The following EIF2B4 variants were observed in gnomAD, a reference collection of about 807,000 sequenced individuals.
EIF2B4 encodes the protein translation initiation factor eIF2B subunit delta.
EIF2B4 carries 34 observed loss-of-function variants against 66.7 expected under a neutral mutation model. The ratio of observed to expected loss-of-function variants is 0.51; its 90% CI spans 0.39 to 0.68. The LOEUF is 0.68. Ranked by LOEUF, EIF2B4 falls within the 30% of genes least tolerant of loss-of-function variation. EIF2B4 has a pLI of 0.00. For synonymous variants in EIF2B4, 278 were observed against 253.6 expected, an observed-to-expected ratio of 1.10 and a Z score of -0.92; for missense variants, 618 against 657.9, an observed-to-expected ratio of 0.94 and a Z score of 0.66.
Position 27,367,538 on chromosome 2 carries a change from G to T in EIF2B4, c.804C>A (p.Pro268=), listed in dbSNP as rs761353843. 6.2e-7 allele frequency: 1 copy of T among 1,614,022 alleles called. No homozygotes were observed. The change falls in exon 9 of 13, where the codon CCC becomes CCA. Residue 268 remains proline, a synonymous_variant. Coordinates refer to ENST00000347454, the MANE Select transcript of EIF2B4 (RefSeq NM_001034116.2). ...TGGCGTTGTGCATGCTCGCTGACAG[G>T]GGACGGCACTGAGTCAGGAAGCTAT... ...PYMSFLTQCR[P]LSASMHNAIK...
In EIF2B4 at chr2:27,364,873, T is replaced by C; in HGVS notation, c.1217A>G (p.His406Arg). The C allele has an allele frequency of 3.7e-6, 6 of 1,614,138 alleles. No homozygotes were observed. The highest frequency in any genetic ancestry group is 5.1e-6 in the Non-Finnish European group (6 of 1,180,024). ...PEVSKVLLGA[H>R]ALLANGSVMS... ...CACAGACCCGTTGGCCAAGAGTGCA[T>C]GAGCTCCCAATAGCACCTTGGAAAC... The change falls in exon 12 of 13, where the codon CAT becomes CGT. Residue 406 changes from histidine (H) to arginine (R), a missense_variant. Physicochemically the swap from His to Arg is conservative, Grantham distance 29. Transcript: ENST00000347454.
chr2:27,366,241 TGTGTGTGTGTG>T (rs1681859946), intron 11 of EIF2B4: 1 of 199,470 alleles, frequency 5.0e-6, no homozygotes, highest in African/African-American at 2.4e-5. Flanking sequence ...TGTGTGTGTG[TGTGTGTGTGTG>T]TGTGTGTGTA....
In EIF2B4 at chr2:27,364,991, G is replaced by A. The variant is rs1681741664; in HGVS notation, c.1192-93C>T. On this transcript the variant is annotated intron_variant, in intron 11 of 12. Transcript: ENST00000347454. ...TTACAGGACAGCAACATTAAGACAAGTAATAAATCTCAACACCTGTGAAAA... is the reference window on the plus strand; with the variant it reads ...TTACAGGACAGCAACATTAAGACAAATAATAAATCTCAACACCTGTGAAAA... 4.8e-6 allele frequency: 6 copies of A among 1,255,292 alleles called. No individual in the cohort carries two copies. The East Asian group carries it at 9.8e-5, about 21-fold the overall frequency. 77.8% of individuals were successfully genotyped at this position (1,255,292 alleles called of 1,614,324 possible). A position where few individuals can be genotyped will look rare whatever the true frequency, so the allele number is the denominator to read the frequency against.
Position 27,370,290 on chromosome 2 carries a change from G to A in EIF2B4, c.25C>T (p.Arg9Cys), listed in dbSNP as rs368043444. 6 of 1,547,366 alleles carry A rather than the reference G, an allele frequency of 3.9e-6. No homozygotes were observed. Among genetic ancestry groups the A allele is most frequent in the East Asian group, 2.4e-5 (1 of 41,492 alleles). MAAVAVAV[R>C]EDSGSGMKAE... ...GGCCCGGCTCTTCACTCACCCTCGC[G>A]AACAGCCACGGCCACAGCAGCCATC... The change falls in exon 1 of 13, where the codon CGC becomes TGC. Residue 9 changes from arginine to cysteine, a missense_variant. Physicochemically the swap from Arg to Cys is radical, Grantham distance 180. Coordinates refer to ENST00000347454, the MANE Select transcript of EIF2B4 (RefSeq NM_001034116.2).
At chr2:27,370,017 C>G (rs767463519) in intron 1 of EIF2B4, 98 bp from the exon 2 acceptor site, 4 of 1,522,162 alleles carry the variant, frequency 2.6e-6, no homozygotes, top group Non-Finnish European at 3.5e-6. Flanking sequence ...TTGGCATGAC[C>G]ACGGATCCGC....
Position 27,368,363 on chromosome 2 carries a change from G to C in EIF2B4, c.590+9C>G. 4 of 1,607,332 alleles carry C rather than the reference G, an allele frequency of 2.5e-6. No individual in the cohort carries two copies. Among genetic ancestry groups the C allele is most frequent in the Non-Finnish European group, 3.4e-6 (4 of 1,173,926 alleles). Reference sequence around the variant, plus strand: ...ACTCAAAAGTTATGACAATTTCATAGGATCCTACCTCATAAACTGGGTCAG... The same window carrying C: ...ACTCAAAAGTTATGACAATTTCATACGATCCTACCTCATAAACTGGGTCAG... On this transcript the variant is annotated intron_variant, in intron 6 of 12. Coordinates refer to ENST00000347454, the MANE Select transcript of EIF2B4 (RefSeq NM_001034116.2).
At chr2:27,368,933 G>A in intron 4 of EIF2B4, 73 bp downstream of exon 4, 2 of 1,581,016 alleles carry the variant, frequency 1.3e-6, no homozygotes, top group South Asian at 1.1e-5. Flanking sequence ...GGGGAGAGCT[G>A]TTTTACTATT....
intron 4 of EIF2B4, 116 bp from the exon 5 acceptor site, chr2:27,368,849 G>A (rs1682077784): frequency 1.4e-6 from 2 of 1,418,328 alleles, no homozygotes; most frequent in Admixed American, 1.8e-5. Flanking sequence ...CGGGAGAATA[G>A]GGTAGAAAAG....
At position 27,367,511 on chromosome 2, in the gene EIF2B4, G is replaced by A; in HGVS notation, c.831C>T (p.Ile277=). ...TGGTGATTTCCTTGTTAAGGAACTTGATGGCGTTGTGCATGCTCGCTGACA... is the reference window on the plus strand; with the variant it reads ...TGGTGATTTCCTTGTTAAGGAACTTAATGGCGTTGTGCATGCTCGCTGACA... ...RPLSASMHNA[I]KFLNKEITSV... The change falls in exon 9 of 13, where the codon ATC becomes ATT. Residue 277 remains isoleucine (I), a synonymous_variant. Transcript: ENST00000347454. The A allele has an allele frequency of 6.2e-7, 1 of 1,614,104 alleles. No individual in the cohort carries two copies. Among genetic ancestry groups the A allele is most frequent in the Non-Finnish European group, 8.5e-7 (1 of 1,180,024 alleles).
chr2:27,366,217 T>TGTGTGG (rs1681852862), intron 11 of EIF2B4: 1 of 2,980 alleles, frequency 3.4e-4, no homozygotes, highest in Non-Finnish European at 5.4e-4. Context: ...TGGGGTGGGG[T>TGTGTGG]GTGTGTGTGT....
chr2:27,369,608 T>C (rs1682198387), intron 2 of EIF2B4, 59 bp from the exon 3 acceptor site: 7 of 1,611,164 alleles, frequency 4.3e-6, no homozygotes, highest in Non-Finnish European at 5.9e-6. Flanking sequence ...GAACAAATAC[T>C]ATTGGATGCT....
rs776566253 is a variant in EIF2B4, at chr2:27,369,982, G to A, written c.32-63C>T. The A allele has an allele frequency of 1.8e-5, 28 of 1,544,574 alleles. 1 individual carries two copies. In the South Asian group the frequency reaches 3.2e-4, roughly 18 times the overall value. ...ACTCCGGGAGGGTTTGGGGGCACGA[G>A]TACTCGGCGCAGCCGGCTGCTGGGT... On this transcript the variant is annotated intron_variant, in intron 1 of 12. Transcript: ENST00000347454.
intron 7 of EIF2B4, 33 bp from the exon 8 acceptor site, chr2:27,367,855 C>T (rs1288516560): frequency 1.3e-6 from 2 of 1,597,730 alleles, no homozygotes; most frequent in African/African-American, 1.3e-5. Context: ...TGCAAAATAC[C>T]CCTTAATAAA....
chr2:27,367,745 C>T lies in EIF2B4; in HGVS notation c.782+1G>A, dbSNP rs1251416111. 1 of 1,613,570 alleles carries T rather than the reference C, an allele frequency of 6.2e-7. No individual in the cohort carries two copies. Among genetic ancestry groups the T allele is most frequent in the Non-Finnish European group, 8.5e-7 (1 of 1,179,562 alleles). ...GAGTGGACTTATAGTGTTGTCCCTA[C>T]CTCATGTAGGGTTTTAGTTTATTCA... On this transcript the variant is annotated splice_donor_variant, in intron 8 of 12. Transcript: ENST00000347454. LOFTEE classifies it high-confidence loss of function.
chr2:27,365,065 T>G (rs1681750018), intron 11 of EIF2B4, 167 bp from the exon 12 acceptor site: 6 of 750,736 alleles, frequency 8.0e-6, no homozygotes, highest in Non-Finnish European at 6.4e-6. Context: ...CTTTTTTTTT[T>G]TTTTCTTTGA....
chr2:27,366,824 G>A lies in EIF2B4; in HGVS notation c.1126C>T (p.Leu376=). The A allele has an allele frequency of 1.2e-6, 2 of 1,614,226 alleles. No homozygotes were observed. Among genetic ancestry groups the A allele is most frequent in the Middle Eastern group, 1.6e-4 (1 of 6,062 alleles). Residue 376 remains leucine, a synonymous_variant, in exon 11 of 13, where the codon CTA becomes TTA. Transcript: ENST00000347454. ...GAGGCTGGGACACCAGCATGGACTAGAGAACGTAGTGTGTGCCTTCCTTCC... is the reference window on the plus strand; with the variant it reads ...GAGGCTGGGACACCAGCATGGACTAAAGAACGTAGTGTGTGCCTTCCTTCC... ...WLEGRHTLRS[L]VHAGVPASYL... is the part of the protein sequence containing the mutation.
In EIF2B4 at chr2:27,367,786, G is replaced by A. The variant is rs747580846; in HGVS notation, c.742C>T (p.Leu248Phe). 6.2e-7 allele frequency: 1 copy of A among 1,614,150 alleles called. No homozygotes were observed. ...AGTTTATTCACTAGATCCCTGGAGA[G>A]TTCTTCATTAGGCGGTGTTGTGTAA... ...QDYTTPPNEE[L>F]SRDLVNKLKP... Residue 248 changes from leucine (L) to phenylalanine (F), a missense_variant, in exon 8 of 13, where the codon CTC becomes TTC. Around this residue, in one of 4 missense-constraint regions of EIF2B4, gnomAD observed 506 missense variants for 511.9 expected, o/e 0.99. Transcript: ENST00000347454.
At chr2:27,367,893 C>G in intron 7 of EIF2B4, 71 bp from the exon 8 acceptor site, 3 of 1,538,814 alleles carry the variant, frequency 1.9e-6, no homozygotes, top group Non-Finnish European at 2.7e-6. Flanking sequence ...TGGGGGTAAG[C>G]TTCACTGAGG....
intron 11 of EIF2B4, 75 bp from the exon 12 acceptor site, chr2:27,364,973 A>G: frequency 6.9e-7 from 1 of 1,440,288 alleles, no homozygotes; most frequent in East Asian, 2.4e-5. Flanking sequence ...TACTTACAGG[A>G]CAGCAACATT....
Sources: allele counts gnomAD v4.1 joint callset, GRCh38; gene constraint gnomAD v4.1.1; regional missense constraint gnomAD v4.1.1; transcripts MANE v1.5; gene names NCBI Gene and HGNC (gene_info 2026-07-23, HGNC 2026-07-21).